Variants in PRKACB observed in about 807,000 individuals in gnomAD.
The protein encoded by PRKACB is protein kinase cAMP-activated catalytic subunit beta, also known as cAMP-dependent protein kinase catalytic subunit beta.
In PRKACB, 16 loss-of-function variants were observed where a neutral mutation model predicts 51.4. The ratio of observed to expected loss-of-function variants is 0.31; its 90% CI spans 0.21 to 0.47. The LOEUF (loss-of-function observed/expected upper bound fraction) is 0.47, where lower values mean the gene tolerates loss of function less well. Ranked by LOEUF, PRKACB falls within the 20% of genes least tolerant of loss-of-function variation. PRKACB has a pLI of 1.00. For synonymous variants in PRKACB, 147 were observed against 154.4 expected, an observed-to-expected ratio of 0.95 and a Z score of 0.35; for missense variants, 309 against 464.5, an observed-to-expected ratio of 0.67 and a Z score of 3.08.
chr1:84,110,149 A>G (rs532943126), intron 1 of PRKACB, among the ~76,000 whole-genome samples: 23 of 152,074 alleles, frequency 1.5e-4, no homozygotes, highest in African/African-American at 5.3e-4. Context: ...TCAAACAACC[A>G]AGAGAATTCA....
chr1:84,205,915 C>G (rs942931291), intron 8 of PRKACB, among the ~76,000 whole-genome samples: 1 of 152,132 alleles, frequency 6.6e-6, no homozygotes. Context: ...CCTGCATTAA[C>G]TATGCCTCAT....
intron 1 of PRKACB, among the ~76,000 whole-genome samples, chr1:84,108,108 A>C (rs1017062692): frequency 6.6e-6 from 1 of 152,166 alleles, no homozygotes; most frequent in Non-Finnish European, 1.5e-5. Flanking sequence ...TGGATAAAGA[A>C]AATGTACATA....
rs765915976 is a variant in PRKACB, at chr1:84,235,283, C to T, written c.1175C>T (p.Ala392Val). 3.1e-5 allele frequency: 50 copies of T among 1,613,952 alleles called. No homozygotes were observed. Among genetic ancestry groups the T allele is most frequent in the Non-Finnish European group, 4.2e-5 (50 of 1,179,960 alleles). Residue 392 changes from alanine (A) to valine (V), a missense_variant, in exon 10 of 10, where the codon GCA becomes GTA. Ala to Val is a moderately conservative substitution (Grantham distance 64, BLOSUM62 0). This residue lies in a region of PRKACB where 96 missense variants were observed against 129.9 expected (regional missense o/e 0.74). Coordinates refer to ENST00000370685, the MANE Select transcript of PRKACB (RefSeq NM_182948.4). ...CGTGTCTCTATAACAGAAAAATGTGCAAAAGAATTTGGTGAATTTTAAAGA... is the reference window on the plus strand; with the variant it reads ...CGTGTCTCTATAACAGAAAAATGTGTAAAAGAATTTGGTGAATTTTAAAGA... ...DIRVSITEKC[A>V]KEFGEF is the part of the protein sequence containing the mutation.
rs144248546 is a variant in PRKACB, at chr1:84,095,114, C to T, written c.46+16743C>T. 6.6e-4 allele frequency among the ~76,000 whole-genome samples: 101 copies of T among 151,886 alleles called. 1 individual carries two copies. The East Asian group carries it at 0.018, about 26-fold the overall frequency. ...GCACTCTATGATGTTCGTACAGTGA[C>T]GAGATTGCCTAATGACACATTTCTC... On this transcript the variant is annotated intron_variant, in intron 1 of 8. Coordinates refer to the PRKACB transcript ENST00000370688.
At chr1:84,084,554 A>C (rs1007719113) in intron 1 of PRKACB, among the ~76,000 whole-genome samples, 51 of 149,524 alleles carry the variant, frequency 3.4e-4, no homozygotes, top group Admixed American at 4.0e-4. Flanking sequence ...TAAGACTCCT[A>C]TGATAATTTG....
At chr1:84,154,408 T>C (rs1331861290) in intron 1 of PRKACB, among the ~76,000 whole-genome samples, 2 of 152,142 alleles carry the variant, frequency 1.3e-5, no homozygotes, top group African/African-American at 4.8e-5. Context: ...ATGAAGACTC[T>C]TAATCAGTAA....
At chr1:84,197,172 C>A (rs1340412174) in intron 6 of PRKACB, among the ~76,000 whole-genome samples, 1 of 152,172 alleles carries the variant, frequency 6.6e-6, no homozygotes, top group Non-Finnish European at 1.5e-5. Context: ...TGAACCTAGG[C>A]AGTCTGATCC....
intron 1 of PRKACB, among the ~76,000 whole-genome samples, chr1:84,176,476 T>C (rs1350068046): frequency 6.6e-6 from 1 of 151,914 alleles, no homozygotes; most frequent in Non-Finnish European, 1.5e-5. Flanking sequence ...ATTTTATTTT[T>C]GGTAGATTTG....
At chr1:84,184,218 T>C in intron 4 of PRKACB, 83 bp downstream of exon 4, 1 of 1,186,592 alleles carries the variant, frequency 8.4e-7, no homozygotes, top group Non-Finnish European at 1.2e-6. Context: ...CTAAACCAGA[T>C]GATAAGCCTG....
chr1:84,144,819 CT>C (rs758214778), intron 1 of PRKACB, among the ~76,000 whole-genome samples: 8 of 151,754 alleles, frequency 5.3e-5, no homozygotes, highest in Non-Finnish European at 1.0e-4. Context: ...TTCTAATGTA[CT>C]TTTTTTTGTT....
At chr1:84,165,742 C>T (rs991728091) in intron 1 of PRKACB, among the ~76,000 whole-genome samples, 5 of 151,740 alleles carry the variant, frequency 3.3e-5, no homozygotes, top group African/African-American at 1.2e-4. Flanking sequence ...GCTGTCACTT[C>T]AAGCCAAACC....
intron 1 of PRKACB, among the ~76,000 whole-genome samples, chr1:84,134,562 G>A (rs1386485253): frequency 5.3e-5 from 8 of 152,110 alleles, no homozygotes; most frequent in Admixed American, 3.3e-4. Flanking sequence ...TGCAAACTGC[G>A]GGACAACTAA....
At chr1:84,199,466 T>C (rs889131101) in intron 7 of PRKACB, among the ~76,000 whole-genome samples, 1 of 152,202 alleles carries the variant, frequency 6.6e-6, no homozygotes, top group Non-Finnish European at 1.5e-5. Context: ...TCCATGTTCA[T>C]GCAAAAGACA....
intron 1 of PRKACB, among the ~76,000 whole-genome samples, chr1:84,176,891 A>G (rs984387506): frequency 6.6e-6 from 1 of 151,990 alleles, no homozygotes; most frequent in African/African-American, 2.4e-5. Context: ...AGTGAATAAA[A>G]TTAAATAATG....
chr1:84,105,370 C>T (rs932699603), intron 1 of PRKACB, among the ~76,000 whole-genome samples: 17 of 152,020 alleles, frequency 1.1e-4, no homozygotes, highest in Admixed American at 1.1e-3. Context: ...CATCGAGGCA[C>T]CACGACTTTT....
chr1:84,208,237 C>T (rs1260899353), intron 8 of PRKACB, among the ~76,000 whole-genome samples: 1 of 152,192 alleles, frequency 6.6e-6, no homozygotes, highest in East Asian at 1.9e-4. Flanking sequence ...GTTGTAACTT[C>T]ATCTTGAACT....
chr1:84,164,816 G>C, intron 1 of PRKACB: 2 of 1,379,646 alleles, frequency 1.4e-6, no homozygotes, highest in South Asian at 2.0e-5. Context: ...TCTCATGCTA[G>C]GCAGTTATGC....
chr1:84,204,485 T>C, intron 8 of PRKACB: 1 of 1,595,352 alleles, frequency 6.3e-7, no homozygotes, highest in East Asian at 2.2e-5. Flanking sequence ...CCAGCAGAAC[T>C]TTTGATATGA....
At chr1:84,224,177 C>A (rs1209745310) in intron 9 of PRKACB, among the ~76,000 whole-genome samples, 1 of 152,182 alleles carries the variant, frequency 6.6e-6, no homozygotes, top group Non-Finnish European at 1.5e-5. Context: ...GACAGGGACA[C>A]CAGGCATCCT....
Sources: allele counts gnomAD v4.1 joint callset (sites outside exome capture counted in the v4.1 genomes callset), GRCh38; gene constraint gnomAD v4.1.1; regional missense constraint gnomAD v4.1.1; transcripts MANE v1.5; gene names NCBI Gene and HGNC (gene_info 2026-07-23, HGNC 2026-07-21).